RPTOR: variants seen among roughly 807,000 people sequenced by gnomAD.
The protein encoded by RPTOR is regulatory associated protein of MTOR complex 1, also known as regulatory-associated protein of mTOR.
RPTOR carries 21 observed loss-of-function variants against 169.9 expected under a neutral mutation model. That is an observed-to-expected ratio of 0.12 (90% CI 0.09 to 0.18). RPTOR has a LOEUF of 0.18. RPTOR is among the 10% of genes least tolerant of loss of function. The pLI is 1.00. For synonymous variants in RPTOR, 732 were observed against 753.2 expected (o/e 0.97, Z 0.46); for missense variants, 1,133 against 1,855.9 (o/e 0.61, Z 7.16).
At chr17:80,600,844 A>AGCAGCATCTCCCGCC (rs1300626403) in intron 1 of RPTOR, among the ~76,000 whole-genome samples, 1 of 151,654 alleles carries the variant, frequency 6.6e-6, no homozygotes, top group African/African-American at 2.4e-5. Context: ...AGATGACCGC[A>AGCAGCATCTCCCGCC]GCAGCATCTC....
intron 11 of RPTOR, among the ~76,000 whole-genome samples, chr17:80,852,042 C>T (rs1252776042): frequency 6.6e-6 from 1 of 152,144 alleles, no homozygotes; most frequent in Admixed American, 6.5e-5. Context: ...ACTTGAGCCT[C>T]AGGCAGCCTA....
intron 20 of RPTOR, among the ~76,000 whole-genome samples, chr17:80,900,206 T>G (rs935771386): frequency 1.3e-5 from 2 of 152,056 alleles, no homozygotes; most frequent in Non-Finnish European, 2.9e-5. Context: ...CGGGCATCTG[T>G]GGCCGTCTCC....
At chr17:80,603,792 G>A (rs11654635) in intron 1 of RPTOR, among the ~76,000 whole-genome samples, 104 of 152,326 alleles carry the variant, frequency 6.8e-4, no homozygotes, top group Middle Eastern at 6.8e-3. Flanking sequence ...CCAAAGAAGC[G>A]CATCCGAGAC....
chr17:80,677,550 C>T (rs1278986225), intron 3 of RPTOR, among the ~76,000 whole-genome samples: 5 of 151,950 alleles, frequency 3.3e-5, no homozygotes, highest in African/African-American at 1.2e-4. Flanking sequence ...GCCTCACCTC[C>T]CACCAGACTC....
Position 80,860,081 on chromosome 17 carries a change from G to A in RPTOR, c.1509+2181G>A, listed in dbSNP as rs1295297140. ...CACCCTTTCCTTTTCTGTGTGGCAG[G>A]TGAGGGGAGAGTGGACGGAGCTTAA... is the stretch of plus-strand genomic sequence containing the variant. On this transcript the variant is annotated intron_variant, in intron 13 of 33. Coordinates refer to ENST00000306801, the MANE Select transcript of RPTOR (RefSeq NM_020761.3). The surrounding 1 kb of genome is among the most constrained non-coding windows in gnomAD (Gnocchi z 5.8). Among the ~76,000 whole-genome samples the A allele has an allele frequency of 6.6e-6, 1 of 152,230 alleles. No homozygotes were observed. The highest frequency in any genetic ancestry group is 1.5e-5 in the Non-Finnish European group (1 of 68,034).
At chr17:80,673,284 CAA>C (rs1241563469) in intron 3 of RPTOR, among the ~76,000 whole-genome samples, 1 of 152,086 alleles carries the variant, frequency 6.6e-6, no homozygotes, top group African/African-American at 2.4e-5. Context: ...GATTAGGAAA[CAA>C]ACAAGTCAGA....
At chr17:80,611,291 G>A (rs565012528) in intron 1 of RPTOR, among the ~76,000 whole-genome samples, 7 of 151,932 alleles carry the variant, frequency 4.6e-5, no homozygotes, top group Non-Finnish European at 1.0e-4. Flanking sequence ...AGATGGAGTC[G>A]CACTTTGTTG....
chr17:80,708,109 C>T lies in RPTOR; in HGVS notation c.507+110C>T. On this transcript the variant is annotated intron_variant, in intron 4 of 33. Coordinates refer to ENST00000306801, the MANE Select transcript of RPTOR (RefSeq NM_020761.3). The surrounding 1 kb of genome is among the most constrained non-coding windows in gnomAD (Gnocchi z 4.2). ...GCTTCTGTTAAGCCATTGATGTTTA[C>T]TGTGTTTCAACAAACCCAAATGCCA... 1 of 1,141,608 alleles carries T rather than the reference C, an allele frequency of 8.8e-7. No individual in the cohort carries two copies. Among genetic ancestry groups the T allele is most frequent in the Non-Finnish European group, 1.2e-6 (1 of 816,034 alleles). The allele number at this position is 1,141,608 out of a possible 1,614,324, so 70.7% of individuals were successfully genotyped here.
At chr17:80,650,506 G>A (rs2065631880) in intron 3 of RPTOR, among the ~76,000 whole-genome samples, 1 of 152,244 alleles carries the variant, frequency 6.6e-6, no homozygotes, top group South Asian at 2.1e-4. Flanking sequence ...AGTGCACTGA[G>A]GGGTGGGGTG....
intron 24 of RPTOR, among the ~76,000 whole-genome samples, chr17:80,927,651 TA>T (rs2068827103): frequency 6.6e-6 from 1 of 150,648 alleles, no homozygotes; most frequent in African/African-American, 2.4e-5. Context: ...TGTGTGTGTG[TA>T]TCCCTGTGTC....
chr17:80,925,492 G>C lies in RPTOR; in HGVS notation c.2919+12G>C. 1 of 1,606,394 alleles carries C rather than the reference G, an allele frequency of 6.2e-7. No individual in the cohort carries two copies. The highest frequency in any genetic ancestry group is 8.5e-7 in the Non-Finnish European group (1 of 1,173,750). On this transcript the variant is annotated intron_variant, in intron 24 of 33. Transcript: ENST00000306801. ...AGCCCGTCATGAAGGTGCGCCCGGGGTGTGGGGTTCAGAGTAGAGTCCTAG... is the reference window on the plus strand; with the variant it reads ...AGCCCGTCATGAAGGTGCGCCCGGGCTGTGGGGTTCAGAGTAGAGTCCTAG...
At chr17:80,877,019 GT>G (rs1444173797) in intron 13 of RPTOR, among the ~76,000 whole-genome samples, 1 of 140,422 alleles carries the variant, frequency 7.1e-6, no homozygotes, top group Non-Finnish European at 1.5e-5. Context: ...CGCCTGCTGG[GT>G]CTTCCCACCG....
chr17:80,672,734 G>C (rs879674629), intron 3 of RPTOR, among the ~76,000 whole-genome samples: 2 of 151,904 alleles, frequency 1.3e-5, no homozygotes, highest in Non-Finnish European at 2.9e-5. Context: ...AGCTTTCAGT[G>C]AGCCGAGATC....
At position 80,858,285 on chromosome 17, in the gene RPTOR, C is replaced by T. The variant is rs376317993; in HGVS notation, c.1509+385C>T. Among the ~76,000 whole-genome samples, 330 of 152,350 alleles carry T rather than the reference C, an allele frequency of 2.2e-3. 3 individuals are homozygous for T. Among genetic ancestry groups the T allele is most frequent in the African/African-American group, 7.5e-3 (312 of 41,588 alleles). On this transcript the variant is annotated intron_variant, in intron 13 of 33. Transcript: ENST00000306801. ...CATGGCATAAACTTGGCCTCTGCCT[C>T]GCCCAGACCCCGCATTGGCTCTCCT...
rs2065258190 is a variant in RPTOR, at chr17:80,609,913, A to G, written c.163-15778A>G. On this transcript the variant is annotated intron_variant, in intron 1 of 33. Transcript: ENST00000306801. This position sits in a 1 kb window ranked among gnomAD's most constrained non-coding sequence, Gnocchi z 4.8. ...TTTAGCCAATTGAAAAGTGTAGGCCAGGGTGTAGATAGCACATTCCCCTGC... is the reference window on the plus strand; with the variant it reads ...TTTAGCCAATTGAAAAGTGTAGGCCGGGGTGTAGATAGCACATTCCCCTGC... Among the ~76,000 whole-genome samples, 1 of 152,120 alleles carries G rather than the reference A, an allele frequency of 6.6e-6. No homozygotes were observed. Among genetic ancestry groups the G allele is most frequent in the Non-Finnish European group, 1.5e-5 (1 of 68,014 alleles).
intron 4 of RPTOR, among the ~76,000 whole-genome samples, chr17:80,719,259 G>A (rs187995682): frequency 2.6e-5 from 4 of 152,136 alleles, no homozygotes; most frequent in African/African-American, 9.7e-5. Flanking sequence ...ATGGCATGGG[G>A]GAAGCCGGGA....
At chr17:80,689,059 A>G (rs2065969940) in intron 3 of RPTOR, among the ~76,000 whole-genome samples, 1 of 152,232 alleles carries the variant, frequency 6.6e-6, no homozygotes, top group African/African-American at 2.4e-5. Context: ...GATTTTGGAT[A>G]TGACTTTGCC....
At chr17:80,779,588 GAC>G (rs2143449148) in intron 6 of RPTOR, among the ~76,000 whole-genome samples, 1 of 152,256 alleles carries the variant, frequency 6.6e-6, no homozygotes, top group East Asian at 1.9e-4. Flanking sequence ...CTGCCCCTCC[GAC>G]ACAGTGGGGT....
At chr17:80,798,966 CA>C (rs2067128736) in intron 7 of RPTOR, among the ~76,000 whole-genome samples, 1 of 152,168 alleles carries the variant, frequency 6.6e-6, no homozygotes. Context: ...GTCACACCTA[CA>C]TTAAAACGTA....
Sources: gnomAD v4.1 joint callset for allele counts (sites outside exome capture counted in the v4.1 genomes callset) on GRCh38, gnomAD v4.1.1 for gene constraint, Gnocchi (gnomAD v3.1) non-coding constraint, MANE v1.5 for transcripts, NCBI Gene and HGNC (gene_info 2026-07-23, HGNC 2026-07-21) for gene names.